PTPRN2: variants seen among roughly 807,000 people sequenced by gnomAD.
The protein encoded by PTPRN2 is receptor-type tyrosine-protein phosphatase N2.
Under a neutral mutation model 118.8 loss-of-function variants are expected in PTPRN2, and 74 were observed. That is an observed-to-expected ratio of 0.62 (90% CI 0.52 to 0.76). PTPRN2 has a LOEUF of 0.76. PTPRN2 is among the 30% of genes least tolerant of loss of function. The pLI is 0.00. For synonymous variants in PTPRN2, 641 were observed against 608.0 expected (o/e 1.05, Z -0.80); for missense variants, 1,481 against 1,394.4 (o/e 1.06, Z -0.99).
At chr7:158,461,101 C>T (rs1818950188) in intron 2 of PTPRN2, among the ~76,000 whole-genome samples, 1 of 152,232 alleles carries the variant, frequency 6.6e-6, no homozygotes, top group African/African-American at 2.4e-5. Context: ...TGTGGCTTCA[C>T]TTAAGATCAG....
rs576699008 is a variant in PTPRN2, at chr7:157,763,063, C to T, written c.1789-80126G>A. On this transcript the variant is annotated intron_variant, in intron 12 of 22. Transcript: ENST00000389418. The surrounding 1 kb of genome is among the most constrained non-coding windows in gnomAD (Gnocchi z 4.9). ...TCACAGGGCTAACCCTCCATCAGAG[C>T]CCACGGCCGCCCACTCATGGTCACA... 6.6e-6 allele frequency among the ~76,000 whole-genome samples: 1 copy of T among 152,142 alleles called. No individual in the cohort carries two copies. Among genetic ancestry groups the T allele is most frequent in the East Asian group, 1.9e-4 (1 of 5,166 alleles).
intron 3 of PTPRN2, among the ~76,000 whole-genome samples, chr7:158,302,153 G>C (rs1454654215): frequency 6.6e-6 from 1 of 152,176 alleles, no homozygotes; most frequent in Non-Finnish European, 1.5e-5. Context: ...ATGACATTCA[G>C]GGTGGTGGGT....
At chr7:158,277,144 C>T (rs71545579) in intron 3 of PTPRN2, among the ~76,000 whole-genome samples, 4,635 of 152,326 alleles carry the variant, frequency 0.03, 97 homozygotes, top group African/African-American at 0.043. Flanking sequence ...CACGCACACA[C>T]GCGCACATAC....
rs569131614 is a variant in PTPRN2 at position 157,709,517 on chromosome 7, G to A, written c.1789-26580C>T. ...CGAAGTGAGTGACACAGAGGCCGGG[G>A]ACCCTCCTTCCCTCCCAAGTGGGCA... On this transcript the variant is annotated intron_variant, in intron 12 of 22. Transcript: ENST00000389418. 3.3e-5 allele frequency among the ~76,000 whole-genome samples: 5 copies of A among 152,250 alleles called. No individual in the cohort carries two copies. The South Asian group carries it at 1.0e-3, about 32-fold the overall frequency.
At chr7:158,477,752 G>T (rs942355276) in intron 2 of PTPRN2, among the ~76,000 whole-genome samples, 8 of 152,356 alleles carry the variant, frequency 5.3e-5, no homozygotes, top group African/African-American at 1.9e-4. Flanking sequence ...TTCCAAGGCA[G>T]CATCACCCAC....
At chr7:158,374,955 C>T (rs186938660) in intron 2 of PTPRN2, among the ~76,000 whole-genome samples, 41 of 152,258 alleles carry the variant, frequency 2.7e-4, no homozygotes, top group African/African-American at 9.1e-4. Flanking sequence ...GAAAATGTAA[C>T]AGAAAATAAT....
At chr7:158,246,311 G>C (rs1462078209) in intron 3 of PTPRN2, among the ~76,000 whole-genome samples, 2 of 151,622 alleles carry the variant, frequency 1.3e-5, no homozygotes, top group African/African-American at 4.9e-5. Context: ...GTAATGGGTG[G>C]GTCTCCTGGT....
chr7:157,971,841 C>G (rs1802357783), intron 11 of PTPRN2, among the ~76,000 whole-genome samples: 1 of 152,268 alleles, frequency 6.6e-6, no homozygotes, highest in Non-Finnish European at 1.5e-5. Context: ...ACTGAGAAAC[C>G]TTCTTCTGTA....
At chr7:157,864,045 G>A (rs1810441630) in intron 12 of PTPRN2, 1 of 152,256 alleles carries the variant, frequency 6.6e-6, no homozygotes, top group Non-Finnish European at 1.5e-5. Flanking sequence ...CCTGCCCGAA[G>A]CCACGGCTAT....
chr7:158,443,654 G>T (rs1007728196), intron 2 of PTPRN2, among the ~76,000 whole-genome samples: 2 of 152,092 alleles, frequency 1.3e-5, no homozygotes, highest in East Asian at 3.9e-4. Context: ...CCTGCCAAGC[G>T]TGCGAGCTGC....
Position 157,611,085 on chromosome 7 carries a change from C to T in PTPRN2, c.2345-7010G>A, listed in dbSNP as rs1009135330. ...CCCACCGCTGAGCTGAATAACCGAG[C>T]GCGAGGCTGGTGTCCGGCTTCCACA... On this transcript the variant is annotated intron_variant, in intron 15 of 22. Coordinates refer to ENST00000389418, the MANE Select transcript of PTPRN2 (RefSeq NM_002847.5). This position sits in a 1 kb window ranked among gnomAD's most constrained non-coding sequence, Gnocchi z 5.9. Among the ~76,000 whole-genome samples, 1 of 152,148 alleles carries T rather than the reference C, an allele frequency of 6.6e-6. No individual in the cohort carries two copies. Among genetic ancestry groups the T allele is most frequent in the African/African-American group, 2.4e-5 (1 of 41,430 alleles).
In PTPRN2 at chr7:157,794,121, C is replaced by T. The variant is rs974753105; in HGVS notation, c.1788+104552G>A. On this transcript the variant is annotated intron_variant, in intron 12 of 22. Transcript: ENST00000389418. The surrounding 1 kb of genome is among the most constrained non-coding windows in gnomAD (Gnocchi z 5.2). ...TCGCCCCTCATTCTCTGCTCTGACC[C>T]GGGCTCGCACCTCCCCTCGTTCTCT... is the stretch of plus-strand genomic sequence containing the variant. Among the ~76,000 whole-genome samples, 6 of 150,868 alleles carry T rather than the reference C, an allele frequency of 4.0e-5. No homozygotes were observed. Among genetic ancestry groups the T allele is most frequent in the South Asian group, 2.1e-4 (1 of 4,772 alleles).
intron 10 of PTPRN2, among the ~76,000 whole-genome samples, chr7:158,094,836 C>T (rs956562942): frequency 2.6e-5 from 4 of 152,180 alleles, no homozygotes; most frequent in African/African-American, 9.7e-5. Flanking sequence ...CCTGAGGGCT[C>T]CACTGCGCAG....
At chr7:158,532,583 A>G in intron 1 of PTPRN2, 1 of 409,180 alleles carries the variant, frequency 2.4e-6, no homozygotes. Context: ...GATCCTACAA[A>G]GAGGAAAAAA....
chr7:158,279,201 G>C (rs190253231), intron 3 of PTPRN2, among the ~76,000 whole-genome samples: 19 of 152,328 alleles, frequency 1.2e-4, no homozygotes, highest in Non-Finnish European at 2.4e-4. Context: ...AGAGTTGATT[G>C]GTCCATTTTA....
chr7:158,432,447 G>A (rs978348349), intron 2 of PTPRN2, among the ~76,000 whole-genome samples: 1 of 152,204 alleles, frequency 6.6e-6, no homozygotes, highest in African/African-American at 2.4e-5. Context: ...TTGGAACAGT[G>A]TTCAGGAGGG....
intron 12 of PTPRN2, among the ~76,000 whole-genome samples, chr7:157,856,714 A>T (rs1010947367): frequency 6.6e-6 from 1 of 152,260 alleles, no homozygotes; most frequent in African/African-American, 2.4e-5. Flanking sequence ...CTGTGCTGCA[A>T]TGATGTGTGG....
chr7:158,169,196 G>C (rs1823296954), intron 5 of PTPRN2, among the ~76,000 whole-genome samples: 1 of 152,174 alleles, frequency 6.6e-6, no homozygotes, highest in East Asian at 1.9e-4. Flanking sequence ...TTTTTGAGTA[G>C]CAACCTGGGA....
Position 158,415,572 on chromosome 7 carries a change from G to A in PTPRN2, c.163+74163C>T, listed in dbSNP as rs556462308. Among the ~76,000 whole-genome samples the A allele has an allele frequency of 5.0e-4, 76 of 152,320 alleles. 2 individuals carry two copies. The South Asian group carries it at 0.015, about 30-fold the overall frequency. Reference sequence around the variant, plus strand: ...CCCAGCTACTGTGGATGTACAGAAAGGGTTTAGAACCATGGGCCCATTCTA... The same window carrying A: ...CCCAGCTACTGTGGATGTACAGAAAAGGTTTAGAACCATGGGCCCATTCTA... On this transcript the variant is annotated intron_variant, in intron 2 of 22. Coordinates refer to ENST00000389418, the MANE Select transcript of PTPRN2 (RefSeq NM_002847.5).
Sources: gnomAD v4.1 joint callset for allele counts (sites outside exome capture counted in the v4.1 genomes callset) on GRCh38, gnomAD v4.1.1 for gene constraint, Gnocchi (gnomAD v3.1) non-coding constraint, MANE v1.5 for transcripts, NCBI Gene and HGNC (gene_info 2026-07-23, HGNC 2026-07-21) for gene names.